CNOT2: variants seen among roughly 807,000 people sequenced by gnomAD.
CNOT2 encodes the protein CCR4-NOT transcription complex subunit 2.
In CNOT2, 7 loss-of-function variants were observed where a neutral mutation model predicts 72.1. The ratio of observed to expected loss-of-function variants is 0.10; its 90% CI spans 0.06 to 0.18. The LOEUF (loss-of-function observed/expected upper bound fraction) is 0.18. CNOT2 is among the 10% of genes least tolerant of loss of function. CNOT2 has a pLI of 1.00. For synonymous variants in CNOT2, 196 were observed against 225.6 expected (o/e 0.87, Z 1.17); for missense variants, 345 against 660.3 (o/e 0.52, Z 5.23).
At chr12:70,289,420 G>A (rs760295643) in intron 2 of CNOT2, among the ~76,000 whole-genome samples, 1 of 151,952 alleles carries the variant, frequency 6.6e-6, no homozygotes, top group African/African-American at 2.4e-5. Flanking sequence ...TAAGGTCTAT[G>A]TCGGTATAAT....
chr12:70,309,156 G>A (rs1876015918), intron 2 of CNOT2, among the ~76,000 whole-genome samples: 1 of 152,040 alleles, frequency 6.6e-6, no homozygotes, highest in African/African-American at 2.4e-5. Flanking sequence ...TAGGCATGCG[G>A]GATCCTGGTC....
chr12:70,261,805 A>ATT (rs1565738681), intron 1 of CNOT2, among the ~76,000 whole-genome samples: 1 of 151,598 alleles, frequency 6.6e-6, no homozygotes, highest in Admixed American at 6.6e-5. Flanking sequence ...AATTGGTACA[A>ATT]TTCACCAGTG....
chr12:70,268,510 G>T (rs1278870453), intron 1 of CNOT2, among the ~76,000 whole-genome samples: 1 of 152,122 alleles, frequency 6.6e-6, no homozygotes, highest in East Asian at 1.9e-4. Context: ...CAGTGGTGCA[G>T]TCAGGGCTCA....
At chr12:70,323,783 A>C (rs1177636609) in intron 4 of CNOT2, 1 of 151,792 alleles carries the variant, frequency 6.6e-6, no homozygotes, top group Non-Finnish European at 1.5e-5. Context: ...ACAGCTATAG[A>C]ATAACATTTT....
intron 2 of CNOT2, among the ~76,000 whole-genome samples, chr12:70,288,455 G>T (rs1439037498): frequency 6.6e-6 from 1 of 152,066 alleles, no homozygotes; most frequent in African/African-American, 2.4e-5. Context: ...CAGCCAGGGT[G>T]TAACATTTTA....
intron 1 of CNOT2, among the ~76,000 whole-genome samples, chr12:70,245,079 A>G (rs1038838836): frequency 3.3e-5 from 5 of 152,206 alleles, no homozygotes; most frequent in African/African-American, 1.2e-4. Context: ...TTGTAAGGTA[A>G]CTATTGCAGA....
chr12:70,333,038 T>A (rs998289276), intron 7 of CNOT2, among the ~76,000 whole-genome samples, 192 bp downstream of exon 7: 2 of 151,890 alleles, frequency 1.3e-5, no homozygotes, highest in Non-Finnish European at 2.9e-5. Flanking sequence ...TTTTTTTACT[T>A]AGCATGGTAA....
intron 2 of CNOT2, among the ~76,000 whole-genome samples, chr12:70,300,687 T>C (rs1454120377): frequency 6.6e-6 from 1 of 152,224 alleles, no homozygotes; most frequent in Non-Finnish European, 1.5e-5. Flanking sequence ...GGCTTAGGAT[T>C]GACTTGGCAA....
At chr12:70,264,553 G>A (rs747857635) in intron 1 of CNOT2, among the ~76,000 whole-genome samples, 1 of 152,108 alleles carries the variant, frequency 6.6e-6, no homozygotes, top group African/African-American at 2.4e-5. Flanking sequence ...AGGCAAATGG[G>A]GCCCCTGTGT....
At position 70,250,440 on chromosome 12, in the gene CNOT2, G is replaced by A. The variant is rs1420249187; in HGVS notation, c.-96+6960G>A. On this transcript the variant is annotated intron_variant, in intron 1 of 15. Transcript: ENST00000229195. ...TTTCAAGTAAATCCTTTAGTAATATGAGTGTTTAGTCTCTGCTTGACATTG... is the reference window on the plus strand; with the variant it reads ...TTTCAAGTAAATCCTTTAGTAATATAAGTGTTTAGTCTCTGCTTGACATTG... Among the ~76,000 whole-genome samples the A allele has an allele frequency of 3.3e-5, 5 of 152,056 alleles. No individual in the cohort carries two copies. In the East Asian group the frequency reaches 9.7e-4, roughly 29 times the overall value.
intron 1 of CNOT2, among the ~76,000 whole-genome samples, chr12:70,248,780 C>G (rs984870426): frequency 6.6e-6 from 1 of 151,954 alleles, no homozygotes; most frequent in Non-Finnish European, 1.5e-5. Context: ...TAAGAGCTGC[C>G]AAAGATACAG....
intron 3 of CNOT2, among the ~76,000 whole-genome samples, chr12:70,312,180 T>C (rs1008478730): frequency 1.1e-4 from 17 of 152,106 alleles, no homozygotes; most frequent in African/African-American, 3.6e-4. Flanking sequence ...TGTTATCTTA[T>C]TGCGCTTTTA....
intron 1 of CNOT2, among the ~76,000 whole-genome samples, chr12:70,251,830 G>A (rs934759860): frequency 1.8e-4 from 28 of 152,094 alleles, no homozygotes; most frequent in Admixed American, 4.6e-4. Context: ...CCGTTACTGG[G>A]GTGGAATTTT....
At chr12:70,294,196 G>C in intron 2 of CNOT2, 1 of 1,289,398 alleles carries the variant, frequency 7.8e-7, no homozygotes, top group South Asian at 1.2e-5. Context: ...GGTGGGGCTG[G>C]TGCCATGGCT....
At chr12:70,338,254 A>G (rs1160597135) in intron 9 of CNOT2, 189 bp from the exon 10 acceptor site, 15 of 441,690 alleles carry the variant, frequency 3.4e-5, no homozygotes, top group Non-Finnish European at 5.5e-5. Context: ...TCAAATGTGG[A>G]TGATATAGGA....
chr12:70,349,485 C>A (rs1270370972), intron 15 of CNOT2, among the ~76,000 whole-genome samples: 2 of 152,084 alleles, frequency 1.3e-5, no homozygotes, highest in Non-Finnish European at 2.9e-5. Flanking sequence ...ACACCATAAT[C>A]CTGGAGTCCA....
At chr12:70,320,899 A>C (rs1593227152) in intron 4 of CNOT2, among the ~76,000 whole-genome samples, 1 of 151,936 alleles carries the variant, frequency 6.6e-6, no homozygotes, top group East Asian at 1.9e-4. Flanking sequence ...TAGCCTACAA[A>C]TCTGAAATTC....
intron 11 of CNOT2, among the ~76,000 whole-genome samples, chr12:70,339,592 A>G (rs1881219794): frequency 6.6e-6 from 1 of 152,148 alleles, no homozygotes; most frequent in South Asian, 2.1e-4. Context: ...AAAACACATG[A>G]TATCACTGCC....
chr12:70,319,470 T>A, intron 4 of CNOT2, 106 bp downstream of exon 4: 2 of 1,063,960 alleles, frequency 1.9e-6, no homozygotes, highest in Admixed American at 4.1e-5. Context: ...TTGTATGACT[T>A]AAAAGGAAAA....
Sources: gnomAD v4.1 joint callset for allele counts (sites outside exome capture counted in the v4.1 genomes callset) on GRCh38, gnomAD v4.1.1 for gene constraint, MANE v1.5 for transcripts, NCBI Gene and HGNC (gene_info 2026-07-23, HGNC 2026-07-21) for gene names.